Variants in ARID4B observed in about 807,000 individuals in gnomAD.
ARID4B encodes the protein AT-rich interaction domain 4B.
A neutral mutation model predicts 147.5 loss-of-function variants in ARID4B; 26 were observed. The observed-to-expected ratio is 0.18, with a 90% confidence interval of 0.13 to 0.24. The LOEUF (loss-of-function observed/expected upper bound fraction) is 0.24. Ranked by LOEUF, ARID4B falls within the 10% of genes least tolerant of loss-of-function variation. The pLI is 1.00. For synonymous variants in ARID4B, 512 were observed against 507.9 expected (o/e 1.01, Z -0.11); for missense variants, 1,179 against 1,511.5 (o/e 0.78, Z 3.65).
chr1:235,213,628 A>T, intron 17 of ARID4B, 141 bp downstream of exon 17: 1 of 867,174 alleles, frequency 1.2e-6, no homozygotes, highest in Non-Finnish European at 1.7e-6. Context: ...AGGTATTTAC[A>T]TGCTAAAAAC....
At chr1:235,197,807 T>G (rs949085711) in intron 17 of ARID4B, among the ~76,000 whole-genome samples, 1 of 152,246 alleles carries the variant, frequency 6.6e-6, no homozygotes, top group Admixed American at 6.5e-5. Context: ...AGCTTTAAAG[T>G]AAGTATTCTT....
At position 235,246,531 on chromosome 1, in the gene ARID4B, C is replaced by A; in HGVS notation, c.355-20G>T. 2.5e-6 allele frequency: 4 copies of A among 1,574,082 alleles called. No individual in the cohort carries two copies. The highest frequency in any genetic ancestry group is 3.5e-6 in the Non-Finnish European group (4 of 1,147,046). The stretch of plus-strand genomic sequence containing the variant: ...TAATGTCTGTGGGTAAGAACATAAA[C>A]CCATCAAAAAATTAACACTTTGCAA... On this transcript the variant is annotated intron_variant, in intron 6 of 23. Transcript: ENST00000264183.
chr1:235,249,084 G>T (rs1179651004), intron 6 of ARID4B, among the ~76,000 whole-genome samples: 1 of 152,184 alleles, frequency 6.6e-6, no homozygotes, highest in Non-Finnish European at 1.5e-5. Flanking sequence ...TGTAATCCCA[G>T]CACTTTGGGA....
At chr1:235,274,787 T>C (rs1174096621) in intron 2 of ARID4B, among the ~76,000 whole-genome samples, 1 of 152,188 alleles carries the variant, frequency 6.6e-6, no homozygotes, top group African/African-American at 2.4e-5. Context: ...AACCTATTAG[T>C]TGACTGATTT....
intron 17 of ARID4B, among the ~76,000 whole-genome samples, chr1:235,208,613 C>T (rs911561365): frequency 6.6e-6 from 1 of 152,096 alleles, no homozygotes; most frequent in African/African-American, 2.4e-5. Context: ...AGCGATTCTC[C>T]TGCCTCACCC....
At chr1:235,326,858 C>T in intron 2 of ARID4B, 56 bp downstream of exon 2, 1 of 1,608,616 alleles carries the variant, frequency 6.2e-7, no homozygotes, top group African/African-American at 1.3e-5. Context: ...TCGTCGAAAC[C>T]TCCTACTTCC....
At chr1:235,269,478 C>T (rs1302070167) in intron 2 of ARID4B, among the ~76,000 whole-genome samples, 1 of 152,196 alleles carries the variant, frequency 6.6e-6, no homozygotes, top group African/African-American at 2.4e-5. Flanking sequence ...AAAAAGTAGA[C>T]AGACCGAAGT....
At chr1:235,223,872 TTTTC>T (rs1228987171) in intron 12 of ARID4B, among the ~76,000 whole-genome samples, 2 of 152,108 alleles carry the variant, frequency 1.3e-5, no homozygotes, top group African/African-American at 2.4e-5. Flanking sequence ...ATTTTATTCA[TTTTC>T]TTTGCTTTTT....
chr1:235,197,925 C>T (rs1450384990), intron 17 of ARID4B, among the ~76,000 whole-genome samples: 1 of 152,088 alleles, frequency 6.6e-6, no homozygotes, highest in Non-Finnish European at 1.5e-5. Flanking sequence ...TTGTATAATG[C>T]TTAGGAAAGC....
chr1:235,227,203 A>G lies in ARID4B; in HGVS notation c.897+2028T>C, dbSNP rs559450551. Among the ~76,000 whole-genome samples the G allele has an allele frequency of 5.9e-5, 9 of 152,348 alleles. No individual in the cohort carries two copies. The South Asian group carries it at 1.7e-3, about 28-fold the overall frequency. The stretch of plus-strand genomic sequence containing the variant: ...ATGTAATTTGACATTGCTATAGCAT[A>G]AAGTTCAAGGGGGAGGACACAGAAA... On this transcript the variant is annotated intron_variant, in intron 11 of 23. Transcript: ENST00000264183.
At chr1:235,292,563 T>C (rs1387751767) in intron 2 of ARID4B, among the ~76,000 whole-genome samples, 2 of 150,756 alleles carry the variant, frequency 1.3e-5, no homozygotes, top group Non-Finnish European at 3.0e-5. Flanking sequence ...CTGCAGTGAG[T>C]TGAGATCATG....
At chr1:235,209,856 T>C (rs1558204400) in intron 17 of ARID4B, among the ~76,000 whole-genome samples, 1 of 152,132 alleles carries the variant, frequency 6.6e-6, no homozygotes, top group African/African-American at 2.4e-5. Flanking sequence ...GAGCTACCCG[T>C]GCCTGGCCTA....
intron 3 of ARID4B, among the ~76,000 whole-genome samples, chr1:235,259,507 T>C (rs1280847692): frequency 1.3e-5 from 2 of 151,470 alleles, no homozygotes; most frequent in African/African-American, 4.8e-5. Flanking sequence ...AGTACAAACA[T>C]TGATAAAAGG....
chr1:235,238,223 AAATGAGTCT>A (rs1286057595), intron 8 of ARID4B, among the ~76,000 whole-genome samples: 1 of 152,134 alleles, frequency 6.6e-6, no homozygotes, highest in Non-Finnish European at 1.5e-5. Context: ...CTACACCACT[AAATGAGTCT>A]ATCTTTGTTA....
chr1:235,220,041 G>C, intron 15 of ARID4B, 73 bp from the exon 16 acceptor site: 4 of 974,028 alleles, frequency 4.1e-6, no homozygotes, highest in Non-Finnish European at 2.8e-6. Flanking sequence ...TTATCTCTTA[G>C]CAACAGGAGG....
intron 6 of ARID4B, among the ~76,000 whole-genome samples, chr1:235,247,643 G>C (rs1669382386): frequency 6.6e-6 from 1 of 152,096 alleles, no homozygotes; most frequent in Non-Finnish European, 1.5e-5. Context: ...TTCAAATTTA[G>C]TTTGTACAGA....
Position 235,194,162 on chromosome 1 carries a change from T to C in ARID4B, c.1976A>G (p.Asn659Ser), listed in dbSNP as rs770352690. ...KDKDEKYSPK[N>S]CKLRRLSKPP... Reference sequence around the variant, plus strand: ...TTTGGACAAGCGCCGAAGTTTACAGTTTTTTGGAGAGTATTTTTCATCTTT... The same window carrying C: ...TTTGGACAAGCGCCGAAGTTTACAGCTTTTTGGAGAGTATTTTTCATCTTT... The change falls in exon 19 of 24, where the codon AAC (asparagine) becomes AGC (serine). Residue 659 changes from asparagine to serine, a missense_variant. Asn to Ser is a conservative substitution (Grantham distance 46). Transcript: ENST00000264183. 1.9e-5 allele frequency: 30 copies of C among 1,613,086 alleles called. No homozygotes were observed. Among genetic ancestry groups the C allele is most frequent in the Admixed American group, 1.0e-4 (6 of 59,982 alleles).
intron 17 of ARID4B, among the ~76,000 whole-genome samples, chr1:235,208,313 G>A (rs532388219): frequency 6.6e-6 from 1 of 152,048 alleles, no homozygotes; most frequent in African/African-American, 2.4e-5. Flanking sequence ...TTAGAAACTT[G>A]AGAGTGAAAG....
At chr1:235,224,377 G>A (rs1304205732) in intron 12 of ARID4B, among the ~76,000 whole-genome samples, 1 of 152,186 alleles carries the variant, frequency 6.6e-6, no homozygotes, top group African/African-American at 2.4e-5. Flanking sequence ...TTGAGACTTT[G>A]TCACACTTCT....
Sources: allele counts gnomAD v4.1 joint callset (sites outside exome capture counted in the v4.1 genomes callset), GRCh38; gene constraint gnomAD v4.1.1; transcripts MANE v1.5; gene names NCBI Gene and HGNC (gene_info 2026-07-23, HGNC 2026-07-21).